The following GLIS3 variants were observed in gnomAD, a reference collection of about 807,000 sequenced individuals.
GLIS3 encodes the protein GLIS family zinc finger 3.
A neutral mutation model predicts 78.6 loss-of-function variants in GLIS3; 53 were observed. That is an observed-to-expected ratio of 0.67 (90% CI 0.54 to 0.85). The LOEUF is 0.85. GLIS3 is among the 40% of genes least tolerant of loss of function. The probability of loss-of-function intolerance (pLI) is 0.00; values close to 1 mark genes in which losing one functional copy is unlikely to be tolerated. For missense variants in GLIS3, 1,703 were observed against 1,231.1 expected (o/e 1.38, Z -5.74); for synonymous variants, 684 against 509.9 (o/e 1.34, Z -4.60).
At chr9:4,204,590 T>C (rs945064983) in intron 2 of GLIS3, among the ~76,000 whole-genome samples, 8 of 151,396 alleles carry the variant, frequency 5.3e-5, no homozygotes, top group Middle Eastern at 3.2e-3. Context: ...CACACCAAGA[T>C]GGAAGGGAGT....
chr9:4,463,090 G>A, the GLIS3 span, among the ~76,000 whole-genome samples: 1,300 of 152,284 alleles, frequency 8.5e-3, 12 homozygotes, highest in African/African-American at 0.029. Context: ...CTGACTGTAT[G>A]CAGAATCAAT....
chr9:3,841,718 AG>A (rs1320319444), intron 9 of GLIS3, among the ~76,000 whole-genome samples: 1 of 152,158 alleles, frequency 6.6e-6, no homozygotes, highest in Non-Finnish European at 1.5e-5. Context: ...TTTTTCTATG[AG>A]GGGGAACACT....
At chr9:3,960,296 C>A (rs893141655) in intron 4 of GLIS3, among the ~76,000 whole-genome samples, 2 of 152,134 alleles carry the variant, frequency 1.3e-5, no homozygotes, top group Non-Finnish European at 2.9e-5. Flanking sequence ...TCAGAAGGAT[C>A]CCACCCTGCT....
At chr9:4,469,628 T>C in the GLIS3 span, among the ~76,000 whole-genome samples, 1 of 152,150 alleles carries the variant, frequency 6.6e-6, no homozygotes, top group Non-Finnish European at 1.5e-5. Context: ...CTGAGACACA[T>C]TTAAAGCAGT....
At chr9:4,071,572 G>C (rs562880761) in intron 4 of GLIS3, among the ~76,000 whole-genome samples, 15 of 152,250 alleles carry the variant, frequency 9.9e-5, no homozygotes, top group Non-Finnish European at 2.1e-4. Flanking sequence ...AGTTTTAAAA[G>C]GAGTGCATGA....
upstream of GLIS3, among the ~76,000 whole-genome samples, chr9:4,353,135 C>A (rs1415976213): frequency 3.3e-5 from 5 of 152,126 alleles, no homozygotes; most frequent in East Asian, 9.6e-4. Flanking sequence ...ACCGAAATTT[C>A]TGTTGCTCTG....
At chr9:4,394,673 C>T in the GLIS3 span, among the ~76,000 whole-genome samples, 2 of 152,218 alleles carry the variant, frequency 1.3e-5, no homozygotes, top group African/African-American at 4.8e-5. Flanking sequence ...AAACCCACTG[C>T]ATTCATTTCA....
chr9:4,368,753 A>G, the GLIS3 span, among the ~76,000 whole-genome samples: 1 of 152,162 alleles, frequency 6.6e-6, no homozygotes, highest in Non-Finnish European at 1.5e-5. Flanking sequence ...CAGCTTTAAG[A>G]AGAGGAGGAT....
the GLIS3 span, among the ~76,000 whole-genome samples, chr9:4,380,274 T>C: frequency 2.0e-5 from 3 of 152,218 alleles, no homozygotes; most frequent in Admixed American, 1.3e-4. Context: ...AATAACTCTC[T>C]GCTGTTATTT....
chr9:4,056,021 C>T (rs572952954), intron 4 of GLIS3, among the ~76,000 whole-genome samples: 8 of 152,296 alleles, frequency 5.3e-5, no homozygotes, highest in African/African-American at 1.9e-4. Flanking sequence ...ATAGGATGAT[C>T]ATGCGCAATT....
Position 3,959,152 on chromosome 9 carries a change from GGCATTCTGCAAGGATTAATGGGCAGAGC to G in GLIS3, c.1711-21991_1711-21964del. On this transcript the variant is annotated intron_variant, in intron 4 of 10. Transcript: ENST00000381971. The stretch of plus-strand genomic sequence containing the variant: ...AGTGGGTCCTTTGGGAGGCCACGAG[GGCATTCTGCAAGGATTAATGGGCAGAGC>G]CCTCTTGAATGGGATTAATGCCCAT... 2.6e-5 allele frequency among the ~76,000 whole-genome samples: 4 copies of G among 152,252 alleles called. 1 individual carries two copies. Among genetic ancestry groups the G allele is most frequent in the Admixed American group, 2.6e-4 (4 of 15,300 alleles).
the GLIS3 span, among the ~76,000 whole-genome samples, chr9:4,394,025 T>C: frequency 6.6e-6 from 1 of 152,070 alleles, no homozygotes; most frequent in East Asian, 1.9e-4. Context: ...AGGGTAGAAT[T>C]TGGACTTGCT....
chr9:3,930,952 T>C lies in GLIS3; in HGVS notation c.1983+1408A>G, dbSNP rs530183971. Among the ~76,000 whole-genome samples, 5 of 152,316 alleles carry C rather than the reference T, an allele frequency of 3.3e-5. No homozygotes were observed. The East Asian group carries it at 9.6e-4, about 29-fold the overall frequency. On this transcript the variant is annotated intron_variant, in intron 6 of 10. Coordinates refer to ENST00000381971, the MANE Select transcript of GLIS3 (RefSeq NM_001042413.2). Reference sequence around the variant, plus strand: ...GTTAATAGCATGCAAAAAGGGTGTGTTATTTTAAGAAGACTAAGCACTTGC... The same window carrying C: ...GTTAATAGCATGCAAAAAGGGTGTGCTATTTTAAGAAGACTAAGCACTTGC...
At chr9:4,302,680 C>T (rs1352386996), upstream of GLIS3, among the ~76,000 whole-genome samples, 1 of 152,174 alleles carries the variant, frequency 6.6e-6, no homozygotes, top group Non-Finnish European at 1.5e-5. Flanking sequence ...CCAAGTATGC[C>T]AGTTTAGAAG....
At chr9:3,979,652 C>A (rs1819080615) in intron 4 of GLIS3, among the ~76,000 whole-genome samples, 1 of 152,144 alleles carries the variant, frequency 6.6e-6, no homozygotes. Context: ...ATACTTCACC[C>A]AGCACAACAC....
chr9:4,174,004 A>T (rs1426225970), intron 2 of GLIS3, among the ~76,000 whole-genome samples: 1 of 152,070 alleles, frequency 6.6e-6, no homozygotes, highest in African/African-American at 2.4e-5. Context: ...AAAAAAACTT[A>T]ATTTCCACAT....
intron 2 of GLIS3, among the ~76,000 whole-genome samples, chr9:4,275,773 T>G (rs1312626953): frequency 6.6e-6 from 1 of 151,838 alleles, no homozygotes; most frequent in East Asian, 1.9e-4. Context: ...TATAAATAAA[T>G]AAGCAAGTAA....
chr9:4,037,547 AACACACAC>A (rs56254712), intron 4 of GLIS3, among the ~76,000 whole-genome samples: 21 of 147,376 alleles, frequency 1.4e-4, no homozygotes, highest in Non-Finnish European at 1.5e-4. Flanking sequence ...GTGTGCACAC[AACACACAC>A]ACACACACAC....
Position 4,188,210 on chromosome 9 carries a change from T to C in GLIS3, c.389-62269A>G, listed in dbSNP as rs184689563. ...TATTGAGACGTTTTAGCATGAAGGG[T>C]TGTTGAATTTTGTCAAAGGCCTTTT... On this transcript the variant is annotated intron_variant, in intron 2 of 10. Transcript: ENST00000381971. Among the ~76,000 whole-genome samples the C allele has an allele frequency of 3.3e-5, 5 of 151,730 alleles. No homozygotes were observed. The East Asian group carries it at 7.7e-4, about 23-fold the overall frequency.
Sources: gnomAD v4.1 joint callset for allele counts (sites outside exome capture counted in the v4.1 genomes callset) on GRCh38, gnomAD v4.1.1 for gene constraint, MANE v1.5 for transcripts, NCBI Gene and HGNC (gene_info 2026-07-23, HGNC 2026-07-21) for gene names.